The following ARHGAP21 variants were observed in gnomAD, a reference collection of about 807,000 sequenced individuals.
ARHGAP21 encodes the protein Rho GTPase activating protein 21.
Under a neutral mutation model 164.6 loss-of-function variants are expected in ARHGAP21, and 38 were observed. That is an observed-to-expected ratio of 0.23 (90% CI 0.18 to 0.30). The LOEUF is 0.30. ARHGAP21 is among the 10% of genes least tolerant of loss of function. The probability of loss-of-function intolerance (pLI) is 1.00; values close to 1 mark genes in which losing one functional copy is unlikely to be tolerated. For missense variants in ARHGAP21, 1,822 were observed against 2,370.7 expected, an observed-to-expected ratio of 0.77 and a Z score of 4.81; for synonymous variants, 766 against 857.9, an observed-to-expected ratio of 0.89 and a Z score of 1.87.
intron 21 of ARHGAP21, among the ~76,000 whole-genome samples, chr10:24,594,583 G>GA (rs1192790526): frequency 6.6e-6 from 1 of 151,652 alleles, no homozygotes; most frequent in East Asian, 1.9e-4. Flanking sequence ...TAAAAGGAAT[G>GA]AAAATGACTT....
At position 24,620,049 on chromosome 10, in the gene ARHGAP21, A is replaced by C; in HGVS notation, c.1846T>G (p.Ser616Ala). ...SLPRGISQDR[S>A]PLVKVRSNSL... ...TTACTTCGGACTTTCACAAGAGGTG[A>C]CCTGTCTTGTGAAATACCCCGAGGC... Residue 616 changes from serine (S) to alanine (A), a missense_variant, in exon 9 of 26, where the codon TCA becomes GCA. Ser to Ala is a moderately conservative substitution (Grantham distance 99). Transcript: ENST00000396432. 1 of 1,613,898 alleles carries C rather than the reference A, an allele frequency of 6.2e-7. No homozygotes were observed. Among genetic ancestry groups the C allele is most frequent in the Non-Finnish European group, 8.5e-7 (1 of 1,179,816 alleles).
At chr10:24,624,336 A>ATTTTTTT (rs1565043586) in intron 7 of ARHGAP21, among the ~76,000 whole-genome samples, 10 of 84,164 alleles carry the variant, frequency 1.2e-4, no homozygotes, top group Non-Finnish European at 1.5e-4. Flanking sequence ...CTGTTCTAGA[A>ATTTTTTT]CTTTTTTTTT....
Position 24,601,949 on chromosome 10 carries a change from C to T in ARHGAP21, c.2847+29G>A, listed in dbSNP as rs1300821230. 4 of 1,496,990 alleles carry T rather than the reference C, an allele frequency of 2.7e-6. No individual in the cohort carries two copies. The African/African-American group carries it at 5.6e-5, about 21-fold the overall frequency. The allele number at this position is 1,496,990 out of a possible 1,614,324, so 92.7% of individuals were successfully genotyped here. A position where few individuals can be genotyped will look rare whatever the true frequency, so the allele number is the denominator to read the frequency against. On this transcript the variant is annotated intron_variant, in intron 13 of 25. Coordinates refer to ENST00000396432, the MANE Select transcript of ARHGAP21 (RefSeq NM_020824.4). Reference sequence around the variant, plus strand: ...TATTTGTCAGGGTCTGCATTTCTGACACTCAGGGTGGCTTAGAAAACACAC... The same window carrying T: ...TATTTGTCAGGGTCTGCATTTCTGATACTCAGGGTGGCTTAGAAAACACAC...
rs1291993630 is a variant in ARHGAP21, at chr10:24,607,740, C to A, written c.2581+5G>T. On this transcript the variant is annotated splice_donor_5th_base_variant and intron_variant, in intron 10 of 25. Transcript: ENST00000396432. ...ACGGTTTACAAAACCACCCTTTAGA[C>A]GTACCGTGGTCATGTGAGAGCTGAC... 7 of 1,613,272 alleles carry A rather than the reference C, an allele frequency of 4.3e-6. No individual in the cohort carries two copies. Among genetic ancestry groups the A allele is most frequent in the Non-Finnish European group, 5.9e-6 (7 of 1,179,684 alleles).
chr10:24,620,799 C>G lies in ARHGAP21; in HGVS notation c.1096G>C (p.Val366Leu). 1 of 1,614,176 alleles carries G rather than the reference C, an allele frequency of 6.2e-7. No homozygotes were observed. Among genetic ancestry groups the G allele is most frequent in the Non-Finnish European group, 8.5e-7 (1 of 1,180,026 alleles). Residue 366 changes from valine to leucine, a missense_variant, in exon 9 of 26, where the codon GTG becomes CTG. Coordinates refer to ENST00000396432, the MANE Select transcript of ARHGAP21 (RefSeq NM_020824.4). ...DGISSSRSQA[V>L]EAPSVSVNHY... The stretch of plus-strand genomic sequence containing the variant: ...TTAACAGATACAGAGGGAGCCTCCA[C>G]AGCTTGAGATCTGCTGCTTGAGATT...
chr10:24,695,050 CAAAAAAAAAAAAAAAAAAAAAAAAAAAA>C (rs570457905), intron 2 of ARHGAP21, among the ~76,000 whole-genome samples: 37 of 78,504 alleles, frequency 4.7e-4, no homozygotes, highest in Admixed American at 8.3e-4. Context: ...AATTCCATCT[CAAAAAAAAAAAAAAAAAAAAAAAAAAAA>C]AAAAAAAAAA....
intron 2 of ARHGAP21, among the ~76,000 whole-genome samples, chr10:24,706,007 TA>T (rs1844192176): frequency 6.6e-6 from 1 of 152,184 alleles, no homozygotes; most frequent in African/African-American, 2.4e-5. Context: ...TATTGCAAAA[TA>T]ACCATTTTCT....
intron 9 of ARHGAP21, among the ~76,000 whole-genome samples, chr10:24,611,818 C>T (rs931504637): frequency 6.6e-6 from 1 of 152,290 alleles, no homozygotes; most frequent in Non-Finnish European, 1.5e-5. Flanking sequence ...CACAGAAGTT[C>T]TTCCCTGTGA....
chr10:24,672,138 C>A (rs1034308212), intron 2 of ARHGAP21, among the ~76,000 whole-genome samples: 1 of 152,162 alleles, frequency 6.6e-6, no homozygotes, highest in East Asian at 1.9e-4. Context: ...GTTTCCAATT[C>A]TTTTCCTTCC....
chr10:24,604,638 G>A (rs2076950792), intron 11 of ARHGAP21, among the ~76,000 whole-genome samples: 2 of 152,072 alleles, frequency 1.3e-5, no homozygotes, highest in African/African-American at 2.4e-5. Context: ...GCTGAACACT[G>A]GGTTTTATGT....
Position 24,590,957 on chromosome 10 carries a change from AAAAG to A in ARHGAP21, c.4150+264_4150+267del, listed in dbSNP as rs1449305599. ...CTGTGAATTAAAAAAAAAAAAAAAA[AAAAG>A]AACAAAACAGTGGTTTGCATGCTCA... is the stretch of plus-strand genomic sequence containing the variant. On this transcript the variant is annotated intron_variant, in intron 24 of 25. Transcript: ENST00000396432. The A allele has an allele frequency of 1.9e-5, 18 of 957,108 alleles. No homozygotes were observed. The East Asian group carries it at 3.5e-4, about 18-fold the overall frequency. 59.3% of individuals were successfully genotyped at this position (957,108 alleles called of 1,614,324 possible). A position where few individuals can be genotyped will look rare whatever the true frequency, so the allele number is the denominator to read the frequency against.
In ARHGAP21 at chr10:24,595,160, C is replaced by T. The variant is rs1458245291; in HGVS notation, c.3743G>A (p.Arg1248His). Residue 1248 changes from arginine to histidine, a missense_variant, in exon 20 of 26, where the codon CGT (arginine) becomes CAT (histidine). Arg to His is a conservative substitution (Grantham distance 29). Coordinates refer to ENST00000396432, the MANE Select transcript of ARHGAP21 (RefSeq NM_020824.4). The stretch of plus-strand genomic sequence containing the variant: ...CAGACGATCTAGAGGATCTTCTTTA[C>T]GATTGGCTTCAATAAAATCAGCATA... The part of the protein sequence containing the change: ...DKYADFIEAN[R>H]KEDPLDRLKT... 1.9e-6 allele frequency: 3 copies of T among 1,611,512 alleles called. No homozygotes were observed. Among genetic ancestry groups the T allele is most frequent in the Non-Finnish European group, 2.5e-6 (3 of 1,179,014 alleles).
rs760915315 is a variant in ARHGAP21 at position 24,619,976 on chromosome 10, T to C, written c.1919A>G (p.Gln640Arg). 5.0e-6 allele frequency: 8 copies of C among 1,614,040 alleles called. No individual in the cohort carries two copies. Among genetic ancestry groups the C allele is most frequent in the Non-Finnish European group, 6.8e-6 (8 of 1,179,910 alleles). The change falls in exon 9 of 26, where the codon CAG becomes CGG. Residue 640 changes from glutamine (Q) to arginine (R), a missense_variant. By Grantham distance (43) the Gln-to-Arg change is conservative. This residue lies in a region of ARHGAP21 where 1,090 missense variants were observed against 1,378.9 expected (regional missense o/e 0.79). Coordinates refer to ENST00000396432, the MANE Select transcript of ARHGAP21 (RefSeq NM_020824.4). ...GTCTTTGATAGAAACAAATGATTTC[T>C]GGCTAAATGATGGTTTTGTGACATG... ...STHVTKPSFS[Q>R]KSFVSIKDQR...
intron 4 of ARHGAP21, among the ~76,000 whole-genome samples, chr10:24,646,027 G>A (rs1305983995): frequency 2.0e-5 from 3 of 152,154 alleles, no homozygotes; most frequent in Admixed American, 2.0e-4. Context: ...TTAGTGAGTG[G>A]CTCACAGGAC....
rs534249190 is a variant in ARHGAP21 at position 24,591,142 on chromosome 10, A to G, written c.4150+83T>C. On this transcript the variant is annotated intron_variant, in intron 24 of 25. Transcript: ENST00000396432. ...AAAAAGAAAAAAATCATAAGTAACA[A>G]TTCACTATGATTGATTTGCTCTTTC... The G allele has an allele frequency of 3.3e-5, 40 of 1,195,882 alleles. No homozygotes were observed. In the African/African-American group the frequency reaches 5.2e-4, roughly 16 times the overall value. The allele number at this position is 1,195,882 out of a possible 1,614,324, so 74.1% of individuals were successfully genotyped here.
intron 25 of ARHGAP21, among the ~76,000 whole-genome samples, chr10:24,587,937 C>T (rs1489832506): frequency 2.0e-5 from 3 of 152,142 alleles, no homozygotes; most frequent in Non-Finnish European, 4.4e-5. Context: ...GATGAAAAGG[C>T]TACTGTAATA....
intron 4 of ARHGAP21, among the ~76,000 whole-genome samples, chr10:24,640,973 G>A (rs185920464): frequency 2.6e-5 from 4 of 152,136 alleles, no homozygotes; most frequent in Non-Finnish European, 4.4e-5. Flanking sequence ...CTTCAGGAGA[G>A]AGAAACAGAG....
Position 24,630,148 on chromosome 10 carries a change from TA to T in ARHGAP21, c.441-99del, listed in dbSNP as rs374066319. 459 of 620,196 alleles carry T rather than the reference TA, an allele frequency of 7.4e-4. 5 individuals are homozygous for T. In the East Asian group the frequency reaches 0.011, roughly 14 times the overall value. The allele number at this position is 620,196 out of a possible 1,614,324, so 38.4% of individuals were successfully genotyped here. A position where few individuals can be genotyped will look rare whatever the true frequency, so the allele number is the denominator to read the frequency against. ...ACTCAGAAGTATTTTTTAAATTGTT[TA>T]AGAGTTTATTCTGGTTTTCTTATAT... On this transcript the variant is annotated intron_variant, in intron 6 of 25. Transcript: ENST00000396432.
chr10:24,598,065 AC>A, intron 14 of ARHGAP21, 56 bp from the exon 15 acceptor site: 2 of 1,434,682 alleles, frequency 1.4e-6, no homozygotes, highest in South Asian at 2.4e-5. Flanking sequence ...AGTGATCCTT[AC>A]TTTTTTGAGG....
Sources: allele counts gnomAD v4.1 joint callset (sites outside exome capture counted in the v4.1 genomes callset), GRCh38; gene constraint gnomAD v4.1.1; regional missense constraint gnomAD v4.1.1; transcripts MANE v1.5; gene names NCBI Gene and HGNC (gene_info 2026-07-23, HGNC 2026-07-21).